CDH13: variants seen among roughly 807,000 people sequenced by gnomAD.
CDH13 encodes the protein cadherin-13.
In CDH13, 24 loss-of-function variants were observed where a neutral mutation model predicts 63.8. The observed-to-expected ratio is 0.38, with a 90% CI of 0.27 to 0.53. The LOEUF (loss-of-function observed/expected upper bound fraction) is 0.53. Ranked by LOEUF, CDH13 falls within the 20% of genes least tolerant of loss-of-function variation. The pLI is 0.85. For synonymous variants in CDH13, 503 were observed against 355.3 expected (o/e 1.42, Z -4.67); for missense variants, 1,049 against 903.1 (o/e 1.16, Z -2.07).
intron 4 of CDH13, among the ~76,000 whole-genome samples, chr16:83,146,399 A>T (rs986591672): frequency 1.3e-5 from 2 of 152,116 alleles, no homozygotes; most frequent in African/African-American, 4.8e-5. Flanking sequence ...AAGTAGGCAA[A>T]AGTTTACCAG....
chr16:82,801,587 C>G (rs1330604890), intron 1 of CDH13, among the ~76,000 whole-genome samples: 1 of 152,192 alleles, frequency 6.6e-6, no homozygotes, highest in Non-Finnish European at 1.5e-5. Flanking sequence ...GATGCTGACT[C>G]AAGGCAAGAA....
rs1232344382 is a variant in CDH13 at position 83,298,070 on chromosome 16, GAAAAAGAA to G, written c.637-46778_637-46771del. On this transcript the variant is annotated intron_variant, in intron 5 of 13. Transcript: ENST00000567109. ...TACAAAAAAAAAAAAAAAAGAAAAA[GAAAAAGAA>G]AAAAAGAAAAAAAAATTAGCCAGGT... Among the ~76,000 whole-genome samples the G allele has an allele frequency of 3.4e-5, 5 of 147,702 alleles. No homozygotes were observed. The East Asian group carries it at 5.9e-4, about 18-fold the overall frequency.
rs1349599394 is a variant in CDH13, at chr16:83,010,723, A to AT, written c.158-21281dup. Among the ~76,000 whole-genome samples, 7 of 152,198 alleles carry AT rather than the reference A, an allele frequency of 4.6e-5. No individual in the cohort carries two copies. In the South Asian group the frequency reaches 1.0e-3, roughly 23 times the overall value. On this transcript the variant is annotated intron_variant, in intron 2 of 13. Coordinates refer to ENST00000567109, the MANE Select transcript of CDH13 (RefSeq NM_001257.5). ...CCCTACTGAATCAAAAGAAATACTT[A>AT]TTTTTTCTAAAAAAGGAATCAGTGG...
intron 1 of CDH13, among the ~76,000 whole-genome samples, chr16:82,738,858 T>A (rs1327838187): frequency 1.3e-5 from 2 of 152,228 alleles, no homozygotes; most frequent in South Asian, 2.1e-4. Flanking sequence ...GAACATGTCT[T>A]ACCATTTATT....
intron 6 of CDH13, among the ~76,000 whole-genome samples, chr16:83,445,811 C>T (rs902016): frequency 6.6e-6 from 1 of 151,938 alleles, no homozygotes; most frequent in Admixed American, 6.6e-5. Flanking sequence ...GGAAATATAA[C>T]TCGGAGTTCC....
chr16:82,939,545 G>A (rs752063539), intron 2 of CDH13, among the ~76,000 whole-genome samples: 3 of 152,086 alleles, frequency 2.0e-5, no homozygotes, highest in African/African-American at 4.8e-5. Context: ...TACCTAAAGC[G>A]AATACTCAGG....
chr16:83,382,779 C>T (rs2091593490), intron 6 of CDH13, among the ~76,000 whole-genome samples: 1 of 152,096 alleles, frequency 6.6e-6, no homozygotes, highest in Admixed American at 6.5e-5. Context: ...CATATCTGGC[C>T]CAGGATTCCA....
chr16:82,897,049 G>T lies in CDH13; in HGVS notation c.157+38576G>T, dbSNP rs9921729. On this transcript the variant is annotated intron_variant, in intron 2 of 13. Coordinates refer to ENST00000567109, the MANE Select transcript of CDH13 (RefSeq NM_001257.5). ...CCTGCCTCGGCCTCCCAAAGTGCTG[G>T]GATTACAGGCATGAGCCACCGTGCC... Among the ~76,000 whole-genome samples the T allele has an allele frequency of 1.6e-3, 248 of 152,086 alleles. 1 individual carries two copies. Among genetic ancestry groups the T allele is most frequent in the African/African-American group, 5.6e-3 (234 of 41,508 alleles).
chr16:83,472,660 T>C (rs189124677), intron 6 of CDH13, among the ~76,000 whole-genome samples: 2 of 152,156 alleles, frequency 1.3e-5, no homozygotes, highest in African/African-American at 2.4e-5. Flanking sequence ...GAGAAGAACA[T>C]TGCAATCTGG....
intron 3 of CDH13, among the ~76,000 whole-genome samples, chr16:83,088,943 T>G (rs8049830): frequency 0.095 from 14,482 of 152,216 alleles, 1,335 homozygotes; most frequent in African/African-American, 0.24. Flanking sequence ...GGCCATTCAT[T>G]AATATATGAT....
intron 6 of CDH13, among the ~76,000 whole-genome samples, chr16:83,473,681 A>G (rs1299718399): frequency 6.6e-6 from 1 of 152,186 alleles, no homozygotes; most frequent in African/African-American, 2.4e-5. Flanking sequence ...TGTAGGGAGA[A>G]TTCTGGAAAA....
At position 83,128,379 on chromosome 16, in the gene CDH13, T is replaced by A. The variant is rs1432604678; in HGVS notation, c.483+2878T>A. On this transcript the variant is annotated intron_variant, in intron 4 of 13. Coordinates refer to ENST00000567109, the MANE Select transcript of CDH13 (RefSeq NM_001257.5). ...CCCAAAACCACTGAGCCAAAAACTCTGGGGTTAAAGCCAGGAATCTGCGTT... is the reference window on the plus strand; with the variant it reads ...CCCAAAACCACTGAGCCAAAAACTCAGGGGTTAAAGCCAGGAATCTGCGTT... 2.0e-5 allele frequency among the ~76,000 whole-genome samples: 3 copies of A among 152,200 alleles called. No individual in the cohort carries two copies. In the East Asian group the frequency reaches 5.8e-4, roughly 29 times the overall value.
chr16:82,746,345 A>T (rs1456064523), intron 1 of CDH13, among the ~76,000 whole-genome samples: 2 of 149,384 alleles, frequency 1.3e-5, no homozygotes, highest in African/African-American at 4.9e-5. Context: ...AATAGAGATG[A>T]TAGTACTTTG....
intron 6 of CDH13, among the ~76,000 whole-genome samples, chr16:83,381,627 C>T (rs534035436): frequency 6.6e-6 from 1 of 152,018 alleles, no homozygotes; most frequent in South Asian, 2.1e-4. Context: ...TAATTCCAAC[C>T]ACTCTCACCT....
intron 3 of CDH13, among the ~76,000 whole-genome samples, chr16:83,079,261 A>G (rs909671798): frequency 2.0e-5 from 3 of 152,196 alleles, no homozygotes; most frequent in African/African-American, 7.2e-5. Flanking sequence ...ATGGCTTTAG[A>G]ATATTCCATT....
intron 4 of CDH13, among the ~76,000 whole-genome samples, chr16:83,206,951 A>G (rs969432937): frequency 6.6e-6 from 1 of 152,230 alleles, no homozygotes; most frequent in Non-Finnish European, 1.5e-5. Flanking sequence ...ACTGGATAAA[A>G]TCACCTGTAC....
chr16:82,715,220 A>C (rs1476504309), intron 1 of CDH13, among the ~76,000 whole-genome samples: 2 of 151,820 alleles, frequency 1.3e-5, no homozygotes, highest in Non-Finnish European at 1.5e-5. Context: ...CCTGAGTATC[A>C]GGAGAAGCTT....
Position 83,588,286 on chromosome 16 carries a change from C to T in CDH13, c.961-14168C>T, listed in dbSNP as rs112428982. ...ACTGATTCAGCCTGTCTAACATTGC[C>T]CATGCCTGCCTTTGGACCTGTAACA... On this transcript the variant is annotated intron_variant, in intron 7 of 13. Coordinates refer to ENST00000567109, the MANE Select transcript of CDH13 (RefSeq NM_001257.5). 5.3e-3 allele frequency among the ~76,000 whole-genome samples: 806 copies of T among 152,312 alleles called. 12 individuals are homozygous for T. Among genetic ancestry groups the T allele is most frequent in the African/African-American group, 0.018 (743 of 41,566 alleles).
At chr16:82,731,868 A>G (rs1009454418) in intron 1 of CDH13, among the ~76,000 whole-genome samples, 1 of 152,212 alleles carries the variant, frequency 6.6e-6, no homozygotes, top group Admixed American at 6.5e-5. Context: ...GTTTTTGTGT[A>G]GAGCCAATTA....
Sources: gnomAD v4.1 joint callset for allele counts (sites outside exome capture counted in the v4.1 genomes callset) on GRCh38, gnomAD v4.1.1 for gene constraint, MANE v1.5 for transcripts, NCBI Gene and HGNC (gene_info 2026-07-23, HGNC 2026-07-21) for gene names.